Variants in HMCN1 observed in about 807,000 individuals in gnomAD.
HMCN1 encodes the protein hemicentin 1, also known as hemicentin-1.
In HMCN1, 321 loss-of-function variants were observed where a neutral mutation model predicts 625.9. That is an observed-to-expected ratio of 0.51 (90% CI 0.47 to 0.56). HMCN1 has a LOEUF of 0.56. Among genes scored for constraint, HMCN1 ranks in the 20% least tolerant of loss-of-function variants. HMCN1 has a pLI of 0.00. For synonymous variants in HMCN1, 2,425 were observed against 2,417.6 expected (o/e 1.00, Z -0.09); for missense variants, 6,588 against 6,887.3 (o/e 0.96, Z 1.54).
rs762845220 is a variant in HMCN1 at position 185,984,151 on chromosome 1, C to G, written c.2791-18C>G. On this transcript the variant is annotated intron_variant, in intron 18 of 106. Transcript: ENST00000271588. ...TCCTTTCTTTTTAAATAAAAATTACCTTTTTTTTTCCTTTAAGTTGCTCCA... is the reference window on the plus strand; with the variant it reads ...TCCTTTCTTTTTAAATAAAAATTACGTTTTTTTTTCCTTTAAGTTGCTCCA... The G allele has an allele frequency of 2.3e-5, 36 of 1,585,970 alleles. No homozygotes were observed. In the South Asian group the frequency reaches 2.8e-4, roughly 12 times the overall value.
At chr1:186,115,066 A>G in intron 74 of HMCN1, 120 bp downstream of exon 74, 10 of 1,464,628 alleles carry the variant, frequency 6.8e-6, no homozygotes, top group Non-Finnish European at 9.5e-6. Context: ...ACATTATGGT[A>G]TGAATAGCAA....
chr1:185,938,779 CA>C (rs1400887113), intron 11 of HMCN1, among the ~76,000 whole-genome samples: 2 of 152,086 alleles, frequency 1.3e-5, no homozygotes, highest in Non-Finnish European at 2.9e-5. Flanking sequence ...ACCTGATATC[CA>C]GTTTCCTTTT....
chr1:186,152,278 G>T (rs1283199941), intron 95 of HMCN1, among the ~76,000 whole-genome samples: 1 of 152,162 alleles, frequency 6.6e-6, no homozygotes, highest in African/African-American at 2.4e-5. Context: ...AGCCTCAATA[G>T]CAGTGACCTT....
At position 186,153,766 on chromosome 1, in the gene HMCN1, A is replaced by G; in HGVS notation, c.15035A>G (p.Tyr5012Cys). ...TCTCCTTAGGATTACACAGAGGACT[A>G]CATTCAAACAGGTCCTGGGCAGCTG... ...EVTVKDYTED[Y>C]IQTGPGQLYA... The change falls in exon 97 of 107, where the codon TAC (tyrosine) becomes TGC (cysteine). Residue 5012 changes from tyrosine to cysteine, a missense_variant. Transcript: ENST00000271588. The G allele has an allele frequency of 6.2e-7, 1 of 1,614,020 alleles. No homozygotes were observed. Among genetic ancestry groups the G allele is most frequent in the East Asian group, 2.2e-5 (1 of 44,872 alleles).
intron 14 of HMCN1, among the ~76,000 whole-genome samples, chr1:185,969,568 G>A (rs890849087): frequency 1.3e-5 from 2 of 152,092 alleles, no homozygotes; most frequent in South Asian, 4.1e-4. Flanking sequence ...GATGGCTGGT[G>A]TATGATATTT....
chr1:186,078,642 A>C lies in HMCN1; in HGVS notation c.8599+422A>C, dbSNP rs1658973257. On this transcript the variant is annotated intron_variant, in intron 55 of 106. Coordinates refer to ENST00000271588, the MANE Select transcript of HMCN1 (RefSeq NM_031935.3). Reference sequence around the variant, plus strand: ...AGCAGCTCTAGGCTTGCATCCTCCTAGTTCCACATTCAAATGAAAGTTTTT... The same window carrying C: ...AGCAGCTCTAGGCTTGCATCCTCCTCGTTCCACATTCAAATGAAAGTTTTT... Among the ~76,000 whole-genome samples, 3 of 152,182 alleles carry C rather than the reference A, an allele frequency of 2.0e-5. 1 individual carries two copies. The highest frequency in any genetic ancestry group is 4.1e-4 in the South Asian group (2 of 4,834).
chr1:185,920,384 C>T (rs941970367), intron 6 of HMCN1, among the ~76,000 whole-genome samples: 3 of 152,126 alleles, frequency 2.0e-5, no homozygotes, highest in African/African-American at 7.2e-5. Flanking sequence ...TCATCAAAGA[C>T]ATTCCTACTG....
chr1:186,127,553 C>T (rs567784102), intron 82 of HMCN1, among the ~76,000 whole-genome samples: 160 of 152,114 alleles, frequency 1.1e-3, no homozygotes, highest in Non-Finnish European at 1.4e-3. Flanking sequence ...AAGGTGGTTT[C>T]GCATAGAAAG....
intron 97 of HMCN1, among the ~76,000 whole-genome samples, chr1:186,157,274 A>T (rs1337322948): frequency 6.6e-6 from 1 of 152,224 alleles, no homozygotes; most frequent in Admixed American, 6.5e-5. Context: ...ATCATACATT[A>T]TAAGCAAATA....
chr1:186,046,707 A>G (rs1656598395), intron 41 of HMCN1, among the ~76,000 whole-genome samples: 1 of 152,088 alleles, frequency 6.6e-6, no homozygotes, highest in South Asian at 2.1e-4. Flanking sequence ...GATGAGATAA[A>G]AAGCAAGGGA....
chr1:185,889,794 G>A (rs1293461785), intron 4 of HMCN1, among the ~76,000 whole-genome samples: 11 of 140,906 alleles, frequency 7.8e-5, no homozygotes, highest in South Asian at 2.2e-4. Context: ...GTCTCTGCCC[G>A]GCTTTGGTAT....
chr1:186,129,889 T>C (rs1169670837), intron 83 of HMCN1, 77 bp from the exon 84 acceptor site: 4 of 1,559,486 alleles, frequency 2.6e-6, no homozygotes, highest in Middle Eastern at 3.4e-4. Flanking sequence ...ATAAATCTAA[T>C]GTGCAAAATA....
intron 4 of HMCN1, among the ~76,000 whole-genome samples, chr1:185,909,092 C>T (rs1666265940): frequency 6.6e-6 from 1 of 151,984 alleles, no homozygotes; most frequent in Non-Finnish European, 1.5e-5. Flanking sequence ...ACTATAGTCT[C>T]ATTTTAAATG....
At chr1:185,786,833 C>A (rs1014223779) in intron 1 of HMCN1, among the ~76,000 whole-genome samples, 1 of 152,132 alleles carries the variant, frequency 6.6e-6, no homozygotes, top group East Asian at 1.9e-4. Flanking sequence ...TGGTTAGTGT[C>A]ATCATATCGT....
At chr1:186,141,219 G>C (rs1013071460) in intron 89 of HMCN1, among the ~76,000 whole-genome samples, 4 of 151,864 alleles carry the variant, frequency 2.6e-5, no homozygotes, top group Non-Finnish European at 5.9e-5. Flanking sequence ...TTAGCAATGG[G>C]GAGTAGCTGT....
chr1:185,843,727 C>T (rs551562657), intron 1 of HMCN1, among the ~76,000 whole-genome samples: 2 of 152,140 alleles, frequency 1.3e-5, no homozygotes, highest in Non-Finnish European at 2.9e-5. Context: ...AAGCTATTAC[C>T]TCTCCTGAGT....
At chr1:185,862,240 C>T (rs1384414553) in intron 2 of HMCN1, among the ~76,000 whole-genome samples, 3 of 151,974 alleles carry the variant, frequency 2.0e-5, no homozygotes, top group East Asian at 1.9e-4. Context: ...TAAGTAGGAA[C>T]GTGATGTATA....
intron 1 of HMCN1, among the ~76,000 whole-genome samples, chr1:185,840,045 C>A (rs542929738): frequency 3.3e-4 from 50 of 152,248 alleles, no homozygotes; most frequent in African/African-American, 1.1e-3. Flanking sequence ...GGAATGTACT[C>A]AACTAAATGA....
intron 28 of HMCN1, among the ~76,000 whole-genome samples, chr1:186,001,956 T>C (rs1240868039): frequency 6.6e-6 from 1 of 152,078 alleles, no homozygotes; most frequent in Admixed American, 6.6e-5. Context: ...TGCCTTTGAA[T>C]CATATATACA....
Sources: allele counts gnomAD v4.1 joint callset (sites outside exome capture counted in the v4.1 genomes callset), GRCh38; gene constraint gnomAD v4.1.1; transcripts MANE v1.5; gene names NCBI Gene and HGNC (gene_info 2026-07-23, HGNC 2026-07-21).